HEATR5A: variants seen among roughly 807,000 people sequenced by gnomAD.
The protein encoded by HEATR5A is HEAT repeat-containing protein 5A.
A neutral mutation model predicts 218.8 loss-of-function variants in HEATR5A; 178 were observed. The observed-to-expected ratio is 0.81, with a 90% CI of 0.72 to 0.92. The LOEUF (loss-of-function observed/expected upper bound fraction) is 0.92. Ranked by LOEUF, HEATR5A falls within the 40% of genes least tolerant of loss-of-function variation. The pLI, the probability that HEATR5A is intolerant of heterozygous loss-of-function variation, is 0.00. For missense variants in HEATR5A, 2,420 were observed against 2,418.9 expected (o/e 1.00, Z -0.01); for synonymous variants, 864 against 871.6 (o/e 0.99, Z 0.15).
intron 1 of HEATR5A, among the ~76,000 whole-genome samples, chr14:31,405,679 G>A (rs2031037272): frequency 6.6e-6 from 1 of 152,128 alleles, no homozygotes; most frequent in East Asian, 1.9e-4. Flanking sequence ...ATTGTTTGGG[G>A]GGTGGAAATA....
At chr14:31,390,714 C>T (rs1306655950) in intron 6 of HEATR5A, among the ~76,000 whole-genome samples, 1 of 152,114 alleles carries the variant, frequency 6.6e-6, no homozygotes, top group Non-Finnish European at 1.5e-5. Flanking sequence ...TTCACGTAAA[C>T]AACCCTACTA....
chr14:31,400,275 C>T (rs1266092641), intron 3 of HEATR5A, 26 bp downstream of exon 3: 1 of 1,441,492 alleles, frequency 6.9e-7, no homozygotes, highest in Non-Finnish European at 9.4e-7. Flanking sequence ...ATTTTGTTTT[C>T]TGTTCTGTTT....
At chr14:31,416,080 A>T (rs920284269) in intron 1 of HEATR5A, among the ~76,000 whole-genome samples, 1 of 151,860 alleles carries the variant, frequency 6.6e-6, no homozygotes, top group African/African-American at 2.4e-5. Flanking sequence ...CCTCCTGAAT[A>T]GCTGGGACTC....
intron 21 of HEATR5A, among the ~76,000 whole-genome samples, chr14:31,342,835 A>G (rs1470674864): frequency 6.6e-6 from 1 of 152,018 alleles, no homozygotes; most frequent in Non-Finnish European, 1.5e-5. Context: ...CATTCTACAA[A>G]AGTAGGGATA....
chr14:31,293,611 G>C lies in HEATR5A; in HGVS notation c.5835C>G (p.Arg1945=). The change falls in exon 36 of 36, where the codon CGC becomes CGG. Residue 1945 remains arginine (R), a splice_region_variant and synonymous_variant. Coordinates refer to ENST00000543095, the MANE Select transcript of HEATR5A (RefSeq NM_015473.4). ...GCAAAAGACAGGCCACCAGCTGAGC[G>C]CCTAGAAAGTAAACAAATAATATAA... The part of the protein sequence containing the change: ...TLVTVAEEHH[R]AQLVACLLPI... 1 of 1,593,904 alleles carries C rather than the reference G, an allele frequency of 6.3e-7. No individual in the cohort carries two copies. The highest frequency in any genetic ancestry group is 8.5e-7 in the Non-Finnish European group (1 of 1,173,460).
intron 10 of HEATR5A, 33 bp from the exon 11 acceptor site, chr14:31,380,611 C>G (rs1566775509): frequency 1.5e-6 from 2 of 1,367,144 alleles, no homozygotes; most frequent in East Asian, 2.5e-5. Flanking sequence ...TTAAAAAAAG[C>G]ATATCAGTTT....
chr14:31,354,069 GATTAC>G, intron 16 of HEATR5A, among the ~76,000 whole-genome samples: 1 of 152,042 alleles, frequency 6.6e-6, no homozygotes, highest in South Asian at 2.1e-4. Flanking sequence ...AAAGTGCTGG[GATTAC>G]AGGAGTGAGC....
At position 31,345,217 on chromosome 14, in the gene HEATR5A, C is replaced by A; in HGVS notation, c.2928G>T (p.Val976=). ...TAAGAGAAAGGGTAGGTTCCACATG[C>A]ACATAATAGAGTGGGCCAGCAGAAT... The part of the protein sequence containing the change: ...IIDSAGPLYY[V]HVEPTLSLII... The change falls in exon 20 of 36, where the codon GTG becomes GTT. Residue 976 remains valine (V), a synonymous_variant. Coordinates refer to ENST00000543095, the MANE Select transcript of HEATR5A (RefSeq NM_015473.4). 1 of 1,613,392 alleles carries A rather than the reference C, an allele frequency of 6.2e-7. No homozygotes were observed. The highest frequency in any genetic ancestry group is 8.5e-7 in the Non-Finnish European group (1 of 1,179,452).
chr14:31,385,042 A>C (rs755747633), intron 9 of HEATR5A, among the ~76,000 whole-genome samples: 5 of 152,208 alleles, frequency 3.3e-5, no homozygotes, highest in Non-Finnish European at 7.4e-5. Flanking sequence ...TATTTAAGTA[A>C]GTGTCCCAGA....
intron 33 of HEATR5A, chr14:31,297,289 AAAAAC>A (rs200829859): frequency 1.9e-4 from 29 of 152,462 alleles, no homozygotes; most frequent in South Asian, 6.2e-4. Context: ...CCGTCTCAAT[AAAAAC>A]AAAACAAAAC....
At chr14:31,365,749 C>A (rs530493317) in intron 13 of HEATR5A, among the ~76,000 whole-genome samples, 82 of 152,090 alleles carry the variant, frequency 5.4e-4, no homozygotes, top group Middle Eastern at 3.4e-3. Flanking sequence ...ACTGCAGCCT[C>A]AATCTCCTGG....
At position 31,407,185 on chromosome 14, in the gene HEATR5A, G is replaced by A. The variant is rs930848184; in HGVS notation, c.-74-4136C>T. Reference sequence around the variant, plus strand: ...GCACACCTGCAGTCCCAGCTACTCAGGAGGCTGAGGTAAGAAGATCACTTG... The same window carrying A: ...GCACACCTGCAGTCCCAGCTACTCAAGAGGCTGAGGTAAGAAGATCACTTG... On this transcript the variant is annotated intron_variant, in intron 1 of 35. Coordinates refer to ENST00000543095, the MANE Select transcript of HEATR5A (RefSeq NM_015473.4). Among the ~76,000 whole-genome samples the A allele has an allele frequency of 2.6e-5, 4 of 152,104 alleles. No homozygotes were observed. The South Asian group carries it at 8.3e-4, about 31-fold the overall frequency.
chr14:31,330,942 T>C (rs1006632875), intron 22 of HEATR5A, among the ~76,000 whole-genome samples: 9 of 14,598 alleles, frequency 6.2e-4, no homozygotes, highest in African/African-American at 1.3e-3. Flanking sequence ...TCCCTCACCT[T>C]TTTTTTTTTT....
In HEATR5A at chr14:31,292,316, G is replaced by GA. The variant is rs1899053424; in HGVS notation, c.*988dup. ...AAATTGGTAAGAACAGAGGTAAACA[G>GA]AAAAATCCATTTGAAAAATAGTGGA... On this transcript the variant is annotated 3_prime_UTR_variant, in exon 36 of 36. Coordinates refer to ENST00000543095, the MANE Select transcript of HEATR5A (RefSeq NM_015473.4). The GA allele has an allele frequency of 6.6e-6, 1 of 152,066 alleles. No individual in the cohort carries two copies. Among genetic ancestry groups the GA allele is most frequent in the African/African-American group, 2.4e-5 (1 of 41,418 alleles). 9.4% of individuals were successfully genotyped at this position (152,066 alleles called of 1,614,324 possible). A position where few individuals can be genotyped will look rare whatever the true frequency, so the allele number is the denominator to read the frequency against.
chr14:31,319,220 T>G (rs1256058683), intron 25 of HEATR5A, among the ~76,000 whole-genome samples: 1 of 152,110 alleles, frequency 6.6e-6, no homozygotes, highest in Non-Finnish European at 1.5e-5. Flanking sequence ...TGGCATGATC[T>G]CGGCTCACTG....
At chr14:31,360,575 C>A (rs1276086602) in intron 14 of HEATR5A, among the ~76,000 whole-genome samples, 1 of 152,128 alleles carries the variant, frequency 6.6e-6, no homozygotes, top group Non-Finnish European at 1.5e-5. Flanking sequence ...GTTAGGTTAT[C>A]AAAAAATCTT....
At chr14:31,307,795 T>A (rs1899602905) in intron 30 of HEATR5A, 98 bp downstream of exon 30, 7 of 1,387,992 alleles carry the variant, frequency 5.0e-6, no homozygotes, top group Non-Finnish European at 6.8e-6. Context: ...GAAAAAAAAT[T>A]TCTGTGTGTT....
At chr14:31,294,195 A>T in intron 34 of HEATR5A, 91 bp from the exon 35 acceptor site, 3 of 787,002 alleles carry the variant, frequency 3.8e-6, no homozygotes, top group Non-Finnish European at 6.0e-6. Context: ...TAGTGAAGGT[A>T]TTTAAATTTA....
intron 6 of HEATR5A, among the ~76,000 whole-genome samples, chr14:31,392,508 A>T (rs763846557): frequency 6.6e-6 from 1 of 152,224 alleles, no homozygotes; most frequent in Non-Finnish European, 1.5e-5. Context: ...CCAATCTCAT[A>T]GCTTAAATTC....
Sources: allele counts gnomAD v4.1 joint callset (sites outside exome capture counted in the v4.1 genomes callset), GRCh38; gene constraint gnomAD v4.1.1; transcripts MANE v1.5; gene names NCBI Gene and HGNC (gene_info 2026-07-23, HGNC 2026-07-21).